Variants in DIPK1A observed in about 807,000 individuals in gnomAD.
DIPK1A encodes the protein family with sequence similarity 69 member A.
In DIPK1A, 27 loss-of-function variants were observed where a neutral mutation model predicts 40.8. The observed-to-expected ratio is 0.66, with a 90% CI of 0.49 to 0.91. DIPK1A has a LOEUF of 0.91. DIPK1A is among the 40% of genes least tolerant of loss of function. The pLI, the probability that DIPK1A is intolerant of heterozygous loss-of-function variation, is 0.00. For synonymous variants in DIPK1A, 166 were observed against 171.3 expected (o/e 0.97, Z 0.24); for missense variants, 412 against 505.7 (o/e 0.81, Z 1.78).
At chr1:92,907,632 G>T (rs1400119978) in intron 1 of DIPK1A, among the ~76,000 whole-genome samples, 3 of 151,924 alleles carry the variant, frequency 2.0e-5, no homozygotes, top group Non-Finnish European at 2.9e-5. Flanking sequence ...TAGAGACAGG[G>T]TCTTGCTATG....
At chr1:92,922,765 A>G (rs1311373828) in intron 1 of DIPK1A, among the ~76,000 whole-genome samples, 1 of 152,256 alleles carries the variant, frequency 6.6e-6, no homozygotes, top group African/African-American at 2.4e-5. Flanking sequence ...CCTGGCATAC[A>G]TGAATGTCTG....
chr1:92,957,065 T>C (rs1206650866), intron 1 of DIPK1A, among the ~76,000 whole-genome samples: 1 of 152,228 alleles, frequency 6.6e-6, no homozygotes, highest in East Asian at 1.9e-4. Context: ...GTCTTGACTT[T>C]CATTCTTTCA....
intron 2 of DIPK1A, among the ~76,000 whole-genome samples, chr1:92,867,095 G>A (rs1196967213): frequency 6.6e-6 from 1 of 151,926 alleles, no homozygotes; most frequent in Non-Finnish European, 1.5e-5. Flanking sequence ...TTATCCTTAC[G>A]ACCACCTGAT....
chr1:92,868,849 C>T (rs899529165), intron 2 of DIPK1A, among the ~76,000 whole-genome samples: 10 of 151,672 alleles, frequency 6.6e-5, no homozygotes, highest in Admixed American at 6.6e-4. Flanking sequence ...GCCTGTAATC[C>T]CAGCTGCTTG....
chr1:92,869,784 G>A (rs1393849877), intron 2 of DIPK1A, among the ~76,000 whole-genome samples: 1 of 151,734 alleles, frequency 6.6e-6, no homozygotes, highest in Non-Finnish European at 1.5e-5. Context: ...TTTATTATAC[G>A]CTTTGGTTCT....
intron 1 of DIPK1A, among the ~76,000 whole-genome samples, chr1:92,881,295 G>T (rs1473003851): frequency 2.5e-5 from 3 of 118,960 alleles, no homozygotes; most frequent in East Asian, 2.5e-4. Context: ...ATACACAAAT[G>T]TTCTTAATTT....
chr1:92,961,399 G>T lies in DIPK1A; in HGVS notation c.31C>A (p.Leu11Ile). Residue 11 changes from leucine (L) to isoleucine (I), a missense_variant, in exon 1 of 5, where the codon CTA becomes ATA. Leu to Ile is a conservative substitution (Grantham distance 5). Transcript: ENST00000370310. MARSLCPGAW[L>I]RKPYYLQARF... is the part of the protein sequence containing the mutation. ...ACCTGGAGGTAATAGGGTTTCCTTA[G>T]CCAGGCCCCCGGACAGAGACTCCTC... 6.5e-7 allele frequency: 1 copy of T among 1,532,108 alleles called. No individual in the cohort carries two copies. The highest frequency in any genetic ancestry group is 8.8e-7 in the Non-Finnish European group (1 of 1,137,622). The allele number at this position is 1,532,108 out of a possible 1,614,324, so 94.9% of individuals were successfully genotyped here. A position where few individuals can be genotyped will look rare whatever the true frequency, so the allele number is the denominator to read the frequency against.
At chr1:92,918,798 A>G (rs1219523281) in intron 1 of DIPK1A, among the ~76,000 whole-genome samples, 1 of 152,016 alleles carries the variant, frequency 6.6e-6, no homozygotes, top group African/African-American at 2.4e-5. Flanking sequence ...TGAGGTGGGG[A>G]GATGTTTCGG....
intron 1 of DIPK1A, among the ~76,000 whole-genome samples, chr1:92,942,185 G>A (rs1180453579): frequency 2.6e-5 from 4 of 152,188 alleles, no homozygotes; most frequent in African/African-American, 9.6e-5. Context: ...AGCAAATTAA[G>A]TTGTTGCTTA....
intron 1 of DIPK1A, among the ~76,000 whole-genome samples, chr1:92,914,168 A>G (rs139114168): frequency 1.3e-5 from 2 of 151,538 alleles, no homozygotes; most frequent in East Asian, 3.9e-4. Flanking sequence ...ACAGGTACCT[A>G]AAACAGTGCC....
At chr1:92,900,522 T>C (rs1476697226) in intron 1 of DIPK1A, among the ~76,000 whole-genome samples, 1 of 152,224 alleles carries the variant, frequency 6.6e-6, no homozygotes, top group Non-Finnish European at 1.5e-5. Flanking sequence ...CCTGATTTCA[T>C]TGTCTATCTG....
intron 1 of DIPK1A, among the ~76,000 whole-genome samples, chr1:92,916,000 A>G (rs1167851590): frequency 1.3e-5 from 2 of 152,234 alleles, no homozygotes; most frequent in African/African-American, 4.8e-5. Flanking sequence ...GCTAAGTACA[A>G]GAAGACAAGC....
At chr1:92,877,551 T>C (rs1305170554) in intron 1 of DIPK1A, among the ~76,000 whole-genome samples, 1 of 152,208 alleles carries the variant, frequency 6.6e-6, no homozygotes, top group East Asian at 1.9e-4. Flanking sequence ...TACTGAATTC[T>C]ATTGGCCCTA....
intron 2 of DIPK1A, among the ~76,000 whole-genome samples, chr1:92,870,526 T>G (rs1202229161): frequency 1.3e-5 from 2 of 152,188 alleles, no homozygotes; most frequent in African/African-American, 4.8e-5. Flanking sequence ...GCGCCCAGCC[T>G]GGATTTTGAT....
intron 1 of DIPK1A, among the ~76,000 whole-genome samples, chr1:92,892,255 C>G (rs565692280): frequency 6.6e-6 from 1 of 152,072 alleles, no homozygotes; most frequent in East Asian, 1.9e-4. Context: ...GGAGGCACCC[C>G]GCAGTAGGGG....
intron 1 of DIPK1A, among the ~76,000 whole-genome samples, chr1:92,943,189 G>T (rs992878307): frequency 6.6e-6 from 1 of 152,158 alleles, no homozygotes; most frequent in Non-Finnish European, 1.5e-5. Flanking sequence ...AACAAAGAAA[G>T]AAAGAAAAGT....
At chr1:92,887,172 C>G (rs865929550) in intron 1 of DIPK1A, among the ~76,000 whole-genome samples, 16 of 147,658 alleles carry the variant, frequency 1.1e-4, no homozygotes, top group Admixed American at 2.8e-4. Flanking sequence ...AATTCCAGCA[C>G]TTTAGGAGGC....
At chr1:92,870,083 C>T (rs1391046456) in intron 2 of DIPK1A, among the ~76,000 whole-genome samples, 1 of 149,056 alleles carries the variant, frequency 6.7e-6, no homozygotes, top group Non-Finnish European at 1.5e-5. Context: ...TATACACACA[C>T]ACACACACAC....
intron 2 of DIPK1A, among the ~76,000 whole-genome samples, chr1:92,875,876 T>C (rs369562742): frequency 1.4e-4 from 22 of 151,940 alleles, no homozygotes; most frequent in African/African-American, 5.3e-4. Context: ...ATCACTAGGA[T>C]AGAAACAGAA....
Sources: allele counts gnomAD v4.1 joint callset (sites outside exome capture counted in the v4.1 genomes callset), GRCh38; gene constraint gnomAD v4.1.1; transcripts MANE v1.5; gene names NCBI Gene and HGNC (gene_info 2026-07-23, HGNC 2026-07-21).